The following PCDHA8 variants were observed in gnomAD, a reference collection of about 807,000 sequenced individuals.
PCDHA8 encodes the protein protocadherin alpha-8.
In PCDHA8, 53 loss-of-function variants were observed where a neutral mutation model predicts 61.8. The observed-to-expected ratio is 0.86, with a 90% CI of 0.69 to 1.08. The LOEUF (loss-of-function observed/expected upper bound fraction) is 1.08. Ranked by LOEUF, PCDHA8 falls within the 50% of genes least tolerant of loss-of-function variation. The pLI, the probability that PCDHA8 is intolerant of heterozygous loss-of-function variation, is 0.00. For missense variants in PCDHA8, 1,293 were observed against 1,245.0 expected (o/e 1.04, Z -0.58); for synonymous variants, 618 against 556.6 (o/e 1.11, Z -1.55).
chr5:140,856,514 G>T (rs781942781), intron 1 of PCDHA8: 5 of 1,598,422 alleles, frequency 3.1e-6, no homozygotes, highest in Non-Finnish European at 3.4e-6. Context: ...ACTAGAAGGC[G>T]CATCTGATGC....
At chr5:140,922,336 A>G (rs1554200779) in intron 1 of PCDHA8, among the ~76,000 whole-genome samples, 2 of 152,226 alleles carry the variant, frequency 1.3e-5, no homozygotes, top group African/African-American at 4.8e-5. Context: ...GGGTTGGTAT[A>G]TTGGTATTTT....
At chr5:140,881,048 C>T (rs1409752539) in intron 1 of PCDHA8, among the ~76,000 whole-genome samples, 1 of 152,142 alleles carries the variant, frequency 6.6e-6, no homozygotes, top group Non-Finnish European at 1.5e-5. Context: ...TAGAGTTGTG[C>T]ACAGAACAGG....
intron 3 of PCDHA8, among the ~76,000 whole-genome samples, chr5:140,997,129 C>A (rs983112049): frequency 6.6e-6 from 1 of 151,976 alleles, no homozygotes; most frequent in Non-Finnish European, 1.5e-5. Flanking sequence ...ATACACAATG[C>A]CCCCACACCC....
chr5:140,855,858 G>C (rs1203638572), intron 1 of PCDHA8: 4 of 715,822 alleles, frequency 5.6e-6, no homozygotes, highest in Non-Finnish European at 9.0e-6. Context: ...ACCGGATGTC[G>C]CTGTCGTCCA....
At position 140,842,671 on chromosome 5, in the gene PCDHA8, C is replaced by A; in HGVS notation, c.1350C>A (p.Asp450Glu). Residue 450 changes from aspartate to glutamate, a missense_variant, in exon 1 of 4, where the codon GAC (aspartate) becomes GAA (glutamate). Coordinates refer to ENST00000531613, the MANE Select transcript of PCDHA8 (RefSeq NM_018911.3). ...SLSVEVADVN[D>E]NAPAFAQPEY... ...CTGTGGAGGTGGCCGACGTGAACGA[C>A]AATGCTCCGGCGTTCGCGCAGCCCG... 3 of 1,595,454 alleles carry A rather than the reference C, an allele frequency of 1.9e-6. No homozygotes were observed. The highest frequency in any genetic ancestry group is 2.6e-6 in the Non-Finnish European group (3 of 1,165,536).
intron 1 of PCDHA8, chr5:140,884,544 G>T: frequency 6.2e-7 from 1 of 1,614,222 alleles, no homozygotes; most frequent in South Asian, 1.1e-5. Flanking sequence ...CCGAGGGTGT[G>T]CTCTGGGGAG....
chr5:140,860,192 C>CATATATATATATATATATAT (rs143984774), intron 1 of PCDHA8: 1 of 146,816 alleles, frequency 6.8e-6, no homozygotes, highest in African/African-American at 2.5e-5. Context: ...GCTCTCCTTA[C>CATATATATATATATATATAT]ATATATATCT....
chr5:140,927,862 G>T, intron 1 of PCDHA8: 1 of 1,614,200 alleles, frequency 6.2e-7, no homozygotes. Context: ...AGCTAGCACC[G>T]CTAAACTGCT....
chr5:140,932,351 A>G (rs1401387848), intron 1 of PCDHA8, among the ~76,000 whole-genome samples: 1 of 151,920 alleles, frequency 6.6e-6, no homozygotes, highest in African/African-American at 2.4e-5. Context: ...TTACCATACA[A>G]CTGGCCTTAT....
chr5:140,857,243 A>G (rs2044443964), intron 1 of PCDHA8: 1 of 1,598,366 alleles, frequency 6.3e-7, no homozygotes, highest in African/African-American at 1.3e-5. Flanking sequence ...GCTGGTGTCC[A>G]CCTACAAGAA....
intron 1 of PCDHA8, among the ~76,000 whole-genome samples, chr5:140,943,257 CAAAAAAAAAAA>C (rs1238620023): frequency 1.3e-5 from 1 of 77,574 alleles, no homozygotes. Flanking sequence ...GACTCTGTCT[CAAAAAAAAAAA>C]AAAAAAAAAG....
In PCDHA8 at chr5:140,877,160, C is replaced by A. The variant is rs782531082; in HGVS notation, c.2394+33445C>A. 4 of 1,613,814 alleles carry A rather than the reference C, an allele frequency of 2.5e-6. No individual in the cohort carries two copies. Among genetic ancestry groups the A allele is most frequent in the African/African-American group, 2.7e-5 (2 of 75,052 alleles). On this transcript the variant is annotated intron_variant, in intron 1 of 3. Transcript: ENST00000531613. ...GTGCTGGACGAGAACGACAACGCGC[C>A]GGCACTGCTGGCGACTCCGGCTGGC...
In PCDHA8 at chr5:140,847,905, T is replaced by C. The variant is rs2150241062; in HGVS notation, c.2394+4190T>C. 2 of 150,078 alleles carry C rather than the reference T, an allele frequency of 1.3e-5. 1 individual carries two copies. The highest frequency in any genetic ancestry group is 4.2e-4 in the South Asian group (2 of 4,724). The allele number at this position is 150,078 out of a possible 1,614,324, so 9.3% of individuals were successfully genotyped here. A position where few individuals can be genotyped will look rare whatever the true frequency, so the allele number is the denominator to read the frequency against. ...AGTTTCTTTTTCATCAGTAGATTTC[T>C]GGGCTCCTATATTCACTAGAGATTG... is the stretch of plus-strand genomic sequence containing the variant. On this transcript the variant is annotated intron_variant, in intron 1 of 3. Coordinates refer to ENST00000531613, the MANE Select transcript of PCDHA8 (RefSeq NM_018911.3).
chr5:140,947,975 A>C lies in PCDHA8; in HGVS notation c.2395-30974A>C, dbSNP rs572156919. ...TTTTACAATTAAGTATGTGCTACTC[A>C]TAGGTTTTTCCCAAATACTTTATTA... On this transcript the variant is annotated intron_variant, in intron 1 of 3. Transcript: ENST00000531613. Among the ~76,000 whole-genome samples the C allele has an allele frequency of 2.7e-5, 4 of 150,726 alleles. No individual in the cohort carries two copies. In the East Asian group the frequency reaches 7.8e-4, roughly 29 times the overall value.
intron 1 of PCDHA8, among the ~76,000 whole-genome samples, chr5:140,950,285 C>T (rs1314594266): frequency 1.3e-5 from 2 of 151,926 alleles, no homozygotes; most frequent in African/African-American, 4.8e-5. Context: ...TTTGCTTCAA[C>T]CTGAAAAACT....
At chr5:141,007,507 G>A (rs2098333216) in intron 3 of PCDHA8, among the ~76,000 whole-genome samples, 1 of 151,980 alleles carries the variant, frequency 6.6e-6, no homozygotes, top group Admixed American at 6.6e-5. Flanking sequence ...GGCAGAGACT[G>A]CAGTGAGCTG....
chr5:140,879,989 C>T (rs1223310901), intron 1 of PCDHA8, among the ~76,000 whole-genome samples: 3 of 152,182 alleles, frequency 2.0e-5, no homozygotes, highest in African/African-American at 7.2e-5. Flanking sequence ...AGATCCTTAA[C>T]TTAATCATAT....
At chr5:140,980,409 A>C (rs782265012) in intron 2 of PCDHA8, among the ~76,000 whole-genome samples, 3 of 152,188 alleles carry the variant, frequency 2.0e-5, no homozygotes, top group Non-Finnish European at 4.4e-5. Flanking sequence ...AGGTGGGCAG[A>C]TCATGAGGTC....
At position 140,843,280 on chromosome 5, in the gene PCDHA8, T is replaced by A. The variant is rs2150356364; in HGVS notation, c.1959T>A (p.Asp653Glu). ...PRHRLLVLVK[D>E]HGEPALTATA... ...ACCGTCTGCTGGTCCTGGTGAAGGA[T>A]CATGGTGAACCTGCGCTGACCGCCA... The change falls in exon 1 of 4, where the codon GAT (aspartate) becomes GAA (glutamate). Residue 653 changes from aspartate (D) to glutamate (E), a missense_variant. Physicochemically the swap from Asp to Glu is conservative, Grantham distance 45 (BLOSUM62 2). Coordinates refer to ENST00000531613, the MANE Select transcript of PCDHA8 (RefSeq NM_018911.3). 5.0e-6 allele frequency: 8 copies of A among 1,595,708 alleles called. 1 individual carries two copies. The African/African-American group carries it at 6.7e-5, about 13-fold the overall frequency.
Sources: allele counts gnomAD v4.1 joint callset (sites outside exome capture counted in the v4.1 genomes callset), GRCh38; gene constraint gnomAD v4.1.1; transcripts MANE v1.5; gene names NCBI Gene and HGNC (gene_info 2026-07-23, HGNC 2026-07-21).